NAA35: variants seen among roughly 807,000 people sequenced by gnomAD.
NAA35 encodes the protein N-alpha-acetyltransferase 35, NatC auxiliary subunit.
In NAA35, 18 loss-of-function variants were observed where a neutral mutation model predicts 101.7. That is an observed-to-expected ratio of 0.18 (90% CI 0.12 to 0.26). The LOEUF (loss-of-function observed/expected upper bound fraction) is 0.26. Among genes scored for constraint, NAA35 ranks in the 10% least tolerant of loss-of-function variants. NAA35 has a pLI of 1.00. For missense variants in NAA35, 601 were observed against 886.8 expected (o/e 0.68, Z 4.09); for synonymous variants, 267 against 273.1 (o/e 0.98, Z 0.22).
intron 11 of NAA35, among the ~76,000 whole-genome samples, chr9:85,991,200 A>G (rs191107182): frequency 3.9e-5 from 6 of 152,162 alleles, no homozygotes; most frequent in Non-Finnish European, 7.4e-5. Context: ...TGGAGTATAA[A>G]GGCAGGGAGT....
intron 13 of NAA35, among the ~76,000 whole-genome samples, chr9:86,004,937 C>T (rs188781754): frequency 1.8e-3 from 277 of 152,256 alleles, no homozygotes; most frequent in African/African-American, 6.3e-3. Context: ...TGCAGGCCAG[C>T]TCTATGTAGT....
intron 15 of NAA35, among the ~76,000 whole-genome samples, chr9:86,012,128 GT>G (rs544671707): frequency 5.9e-5 from 8 of 135,318 alleles, no homozygotes; most frequent in African/African-American, 2.2e-4. Context: ...TTTTTTTTTT[GT>G]TTTTTTTTGA....
chr9:86,017,701 CTTT>C (rs1832297555), intron 19 of NAA35, 136 bp downstream of exon 19: 3 of 718,462 alleles, frequency 4.2e-6, no homozygotes, highest in Non-Finnish European at 6.7e-6. Context: ...TGAAGATTAC[CTTT>C]ATTATCATTA....
intron 11 of NAA35, among the ~76,000 whole-genome samples, chr9:85,980,475 A>C (rs1052848912): frequency 5.9e-5 from 9 of 152,350 alleles, no homozygotes; most frequent in Admixed American, 1.3e-4. Flanking sequence ...TAAGGATTTT[A>C]GGAGTTAACG....
At position 86,024,543 on chromosome 9, in the gene NAA35, T is replaced by A. The variant is rs540007264; in HGVS notation, c.*2583T>A. On this transcript the variant is annotated 3_prime_UTR_variant, in exon 23 of 23. Transcript: ENST00000361671. ...CCAGTCACGTGAGAGAAAATGTTGG[T>A]CTTAACAAAGGTAGTGGCAGAGCAG... is the stretch of plus-strand genomic sequence containing the variant. Among the ~76,000 whole-genome samples the A allele has an allele frequency of 7.9e-5, 12 of 152,248 alleles. No homozygotes were observed. The East Asian group carries it at 1.2e-3, about 15-fold the overall frequency.
At chr9:86,012,837 A>G (rs1278391942) in intron 15 of NAA35, among the ~76,000 whole-genome samples, 1 of 152,234 alleles carries the variant, frequency 6.6e-6, no homozygotes, top group Non-Finnish European at 1.5e-5. Flanking sequence ...CAAGTTTCAC[A>G]TGAAGCTGTT....
intron 6 of NAA35, among the ~76,000 whole-genome samples, chr9:85,964,929 G>A (rs1373541880): frequency 1.3e-5 from 2 of 152,164 alleles, no homozygotes; most frequent in Non-Finnish European, 2.9e-5. Flanking sequence ...CCTACTGACT[G>A]AAGTCTCTCC....
intron 2 of NAA35, among the ~76,000 whole-genome samples, chr9:85,947,810 CCT>C (rs79641342): frequency 0.04 from 6,128 of 152,216 alleles, 478 homozygotes; most frequent in East Asian, 0.36. Context: ...TATCACTTAA[CCT>C]CTCAAACCCT....
intron 14 of NAA35, among the ~76,000 whole-genome samples, chr9:86,007,796 G>T (rs574728670): frequency 5.5e-4 from 84 of 152,164 alleles, no homozygotes; most frequent in Middle Eastern, 3.4e-3. Context: ...TTGAAAGCTG[G>T]CATTCTGAGA....
intron 20 of NAA35, 139 bp from the exon 21 acceptor site, chr9:86,018,560 T>C: frequency 9.1e-6 from 12 of 1,315,046 alleles, no homozygotes; most frequent in Non-Finnish European, 1.2e-5. Context: ...TAGGAAAAAA[T>C]AGGGAGATGT....
intron 10 of NAA35, among the ~76,000 whole-genome samples, 178 bp downstream of exon 10, chr9:85,977,624 T>C (rs1217780367): frequency 6.6e-6 from 1 of 152,168 alleles, no homozygotes; most frequent in East Asian, 1.9e-4. Context: ...ATCACATGAA[T>C]TTTGTTTTAT....
rs199959174 is a variant in NAA35, at chr9:85,952,288, GT to G, written c.125-4058del. Reference sequence around the variant, plus strand: ...CATGATAATTGTGCAAGTGTTTTTTGTTTTTTTTTTTTTTGAGACGGTGTTT... The same window carrying G: ...CATGATAATTGTGCAAGTGTTTTTTGTTTTTTTTTTTTTGAGACGGTGTTT... On this transcript the variant is annotated intron_variant, in intron 2 of 22. Transcript: ENST00000361671. 3.7e-3 allele frequency among the ~76,000 whole-genome samples: 430 copies of G among 116,770 alleles called. 1 individual carries two copies. The highest frequency in any genetic ancestry group is 6.2e-3 in the Non-Finnish European group (330 of 53,154). 76.6% of individuals were successfully genotyped at this position (116,770 alleles called of 152,430 possible). A position where few individuals can be genotyped will look rare whatever the true frequency, so the allele number is the denominator to read the frequency against.
At chr9:85,987,229 A>G (rs1830686754) in intron 11 of NAA35, among the ~76,000 whole-genome samples, 1 of 152,238 alleles carries the variant, frequency 6.6e-6, no homozygotes, top group South Asian at 2.1e-4. Flanking sequence ...GCCTTGCTCA[A>G]CTGATTCTTG....
rs188259193 is a variant in NAA35 at position 85,955,394 on chromosome 9, G to C, written c.125-966G>C. The stretch of plus-strand genomic sequence containing the variant: ...TTTTTTTTTCTTCAGACAGAGTCTC[G>C]CTCTGTTGCCCAGGCTGGAGTGCAG... On this transcript the variant is annotated intron_variant, in intron 2 of 22. Transcript: ENST00000361671. 9.1e-4 allele frequency among the ~76,000 whole-genome samples: 96 copies of C among 105,786 alleles called. 1 individual carries two copies. The East Asian group carries it at 0.027, about 29-fold the overall frequency. The allele number at this position is 105,786 out of a possible 152,430, so 69.4% of individuals were successfully genotyped here. A position where few individuals can be genotyped will look rare whatever the true frequency, so the allele number is the denominator to read the frequency against.
chr9:86,021,945 T>C lies in NAA35; in HGVS notation c.2163T>C (p.Val721=). ...TCTCTGCTCATAAATATTTTCCTGT[T>C]GTGAAACTTGTTTGAGAGAGACTGG... ...FDFSAHKYFP[V]VKLV The change falls in exon 23 of 23, where the codon GTT becomes GTC. Residue 721 remains valine, a synonymous_variant. Transcript: ENST00000361671. 1 of 1,613,710 alleles carries C rather than the reference T, an allele frequency of 6.2e-7. No individual in the cohort carries two copies. The highest frequency in any genetic ancestry group is 1.3e-5 in the African/African-American group (1 of 75,044).
intron 2 of NAA35, among the ~76,000 whole-genome samples, chr9:85,950,202 T>G (rs900414598): frequency 1.3e-5 from 2 of 152,200 alleles, no homozygotes; most frequent in African/African-American, 2.4e-5. Context: ...AGTAAATTCT[T>G]AAGTTTACTG....
intron 6 of NAA35, among the ~76,000 whole-genome samples, chr9:85,963,363 C>T (rs11141162): frequency 0.18 from 27,439 of 149,710 alleles, 2,602 homozygotes; most frequent in Middle Eastern, 0.25. Context: ...CTCCATCTCC[C>T]GGGTTCAAGC....
chr9:85,976,586 A>G (rs1587605021), intron 8 of NAA35, 99 bp from the exon 9 acceptor site: 1 of 825,478 alleles, frequency 1.2e-6, no homozygotes, highest in South Asian at 2.3e-5. Flanking sequence ...CCAAAAACAG[A>G]TTCTTGTGTA....
intron 2 of NAA35, among the ~76,000 whole-genome samples, chr9:85,952,859 A>G (rs1388229818): frequency 6.6e-6 from 1 of 152,142 alleles, no homozygotes; most frequent in Non-Finnish European, 1.5e-5. Flanking sequence ...CTGCTTTATC[A>G]AGGTTGTTTT....
Sources: allele counts gnomAD v4.1 joint callset (sites outside exome capture counted in the v4.1 genomes callset), GRCh38; gene constraint gnomAD v4.1.1; transcripts MANE v1.5; gene names NCBI Gene and HGNC (gene_info 2026-07-23, HGNC 2026-07-21).